The following CACNA2D4 variants were observed in gnomAD, a reference collection of about 807,000 sequenced individuals.
CACNA2D4 encodes the protein voltage-dependent calcium channel subunit alpha-2/delta-4.
Under a neutral mutation model 163.8 loss-of-function variants are expected in CACNA2D4, and 157 were observed. The observed-to-expected ratio is 0.96, with a 90% CI of 0.84 to 1.09. The LOEUF is 1.09. CACNA2D4 is among the 50% of genes least tolerant of loss of function. CACNA2D4 has a pLI of 0.00. For missense variants in CACNA2D4, 1,410 were observed against 1,479.9 expected (o/e 0.95, Z 0.78); for synonymous variants, 598 against 586.9 (o/e 1.02, Z -0.27).
In CACNA2D4 at chr12:1,843,691, G is replaced by C. The variant is rs763856512; in HGVS notation, c.2470+711C>G. Among the ~76,000 whole-genome samples, 5 of 152,192 alleles carry C rather than the reference G, an allele frequency of 3.3e-5. No individual in the cohort carries two copies. The highest frequency in any genetic ancestry group is 7.3e-5 in the Non-Finnish European group (5 of 68,034). ...ACTGAAGCCTCTGCAGGATTTTTCCGGTGCTCTGTTAGAGTCACTTAATTT... is the reference window on the plus strand; with the variant it reads ...ACTGAAGCCTCTGCAGGATTTTTCCCGTGCTCTGTTAGAGTCACTTAATTT... On this transcript the variant is annotated intron_variant, in intron 25 of 37. Transcript: ENST00000382722. The surrounding 1 kb of genome is among the most constrained non-coding windows in gnomAD (Gnocchi z 4.6).
At chr12:1,826,408 C>T (rs898779687) in intron 26 of CACNA2D4, among the ~76,000 whole-genome samples, 1 of 60,040 alleles carries the variant, frequency 1.7e-5, no homozygotes, top group South Asian at 7.2e-4. Flanking sequence ...GAGCCCCCCC[C>T]CCCCCCCCGC....
chr12:1,811,648 G>A lies in CACNA2D4; in HGVS notation c.2613+14C>T, dbSNP rs191180407. ...TGAGTCCCCAGCCCCGACCTGGCCC[G>A]ACATCACACCTACCTGCCGCGTTGC... On this transcript the variant is annotated intron_variant, in intron 27 of 37. Transcript: ENST00000382722. 92 of 1,558,532 alleles carry A rather than the reference G, an allele frequency of 5.9e-5. No individual in the cohort carries two copies. In the East Asian group the frequency reaches 8.8e-4, roughly 15 times the overall value.
chr12:1,837,988 AG>A (rs1244435628), intron 26 of CACNA2D4, among the ~76,000 whole-genome samples: 4 of 152,336 alleles, frequency 2.6e-5, no homozygotes, highest in Non-Finnish European at 5.9e-5. Context: ...GCCTCTGTGC[AG>A]GGGCTTGTGT....
At chr12:1,800,336 G>T in intron 32 of CACNA2D4, 50 bp downstream of exon 32, 1 of 1,594,872 alleles carries the variant, frequency 6.3e-7, no homozygotes, top group Non-Finnish European at 8.6e-7. Flanking sequence ...ACCCTCCTAA[G>T]CCACCCTCGC....
In CACNA2D4 at chr12:1,807,016, C is replaced by T. The variant is rs144918638; in HGVS notation, c.2721+3262G>A. Among the ~76,000 whole-genome samples, 497 of 152,062 alleles carry T rather than the reference C, an allele frequency of 3.3e-3. 4 individuals carry two copies. Among genetic ancestry groups the T allele is most frequent in the African/African-American group, 0.012 (479 of 41,504 alleles). On this transcript the variant is annotated intron_variant, in intron 29 of 37. Coordinates refer to ENST00000382722, the MANE Select transcript of CACNA2D4 (RefSeq NM_172364.5). The stretch of plus-strand genomic sequence containing the variant: ...AGTGGTTCACAATGATCCCGGCCTC[C>T]TGGGAGTCCTGCCCTTGTGTAAGCC...
rs760133119 is a variant in CACNA2D4, at chr12:1,834,452, G to C, written c.2551+6287C>G. On this transcript the variant is annotated intron_variant, in intron 26 of 37. Transcript: ENST00000382722. The surrounding 1 kb of genome is among the most constrained non-coding windows in gnomAD (Gnocchi z 7.6). ...TCCAGAGCCTGCTAAGCCCAAGCCCGGGGCTGAGCCGGAGCCGGAGCCCAG... is the reference window on the plus strand; with the variant it reads ...TCCAGAGCCTGCTAAGCCCAAGCCCCGGGCTGAGCCGGAGCCGGAGCCCAG... 1.2e-6 allele frequency: 2 copies of C among 1,611,830 alleles called. No individual in the cohort carries two copies. Among genetic ancestry groups the C allele is most frequent in the Admixed American group, 1.7e-5 (1 of 60,008 alleles).
chr12:1,876,756 C>T (rs1865892115), intron 16 of CACNA2D4, among the ~76,000 whole-genome samples: 1 of 152,188 alleles, frequency 6.6e-6, no homozygotes, highest in Non-Finnish European at 1.5e-5. Flanking sequence ...CATCAAACAG[C>T]CCTGTCCTGC....
chr12:1,803,518 A>G (rs1198028340), intron 29 of CACNA2D4, among the ~76,000 whole-genome samples: 1 of 152,218 alleles, frequency 6.6e-6, no homozygotes, highest in Admixed American at 6.5e-5. Flanking sequence ...ATCCTACAGT[A>G]TTTCCTGTGT....
At position 1,907,938 on chromosome 12, in the gene CACNA2D4, T is replaced by G; in HGVS notation, c.586A>C (p.Ser196Arg). The change falls in exon 5 of 38, where the codon AGC becomes CGC. Residue 196 changes from serine (S) to arginine (R), a missense_variant. Physicochemically the swap from Ser to Arg is moderately radical, Grantham distance 110 (BLOSUM62 -1). Transcript: ENST00000382722. The part of the protein sequence containing the change: ...EFLLESNAHF[S>R]NLPVNTSISS... ...ATGGAGGTGTTCACCGGCAGGTTGC[T>G]GAAGTGAGCATTGGACTCCAGGAGG... The G allele has an allele frequency of 6.2e-7, 1 of 1,614,058 alleles. No homozygotes were observed. Among genetic ancestry groups the G allele is most frequent in the South Asian group, 1.1e-5 (1 of 91,086 alleles).
chr12:1,828,144 T>C lies in CACNA2D4; in HGVS notation c.2551+12595A>G, dbSNP rs1384578033. The stretch of plus-strand genomic sequence containing the variant: ...GACAGGGCCCGGAGAGCCGTGGGCC[T>C]CACCATGCTGGCGCCGGGCAGCAGC... On this transcript the variant is annotated intron_variant, in intron 26 of 37. Transcript: ENST00000382722. This position sits in a 1 kb window ranked among gnomAD's most constrained non-coding sequence, Gnocchi z 4.2. 3.2e-6 allele frequency: 5 copies of C among 1,538,702 alleles called. No individual in the cohort carries two copies. The highest frequency in any genetic ancestry group is 1.2e-5 in the South Asian group (1 of 82,728).
chr12:1,872,308 C>T (rs1023425486), intron 18 of CACNA2D4, among the ~76,000 whole-genome samples: 7 of 152,140 alleles, frequency 4.6e-5, no homozygotes, highest in Admixed American at 3.3e-4. Context: ...ACAAGTTTGG[C>T]CCCATAGGTT....
Position 1,846,722 on chromosome 12 carries a change from C to G in CACNA2D4, c.2247-33G>C, listed in dbSNP as rs928151019. On this transcript the variant is annotated intron_variant, in intron 23 of 37. Transcript: ENST00000382722. ...GCAGACAGAGCGGGAATGGTCACCA[C>G]ATGGCTGTGGCAAGAGCTTGGGGGC... is the stretch of plus-strand genomic sequence containing the variant. The G allele has an allele frequency of 1.9e-6, 3 of 1,548,404 alleles. No homozygotes were observed. The African/African-American group carries it at 4.1e-5, about 21-fold the overall frequency.
rs1024582578 is a variant in CACNA2D4 at position 1,917,571 on chromosome 12, C to A, written c.227+676G>T. ...CTTCCTAGGACCACCTGAGCTAGGG[C>A]CTAAAACACAGACACCCCAGAGAGG... is the stretch of plus-strand genomic sequence containing the variant. On this transcript the variant is annotated intron_variant, in intron 1 of 37. Coordinates refer to ENST00000382722, the MANE Select transcript of CACNA2D4 (RefSeq NM_172364.5). The surrounding 1 kb of genome is among the most constrained non-coding windows in gnomAD (Gnocchi z 4.3). Among the ~76,000 whole-genome samples the A allele has an allele frequency of 6.6e-6, 1 of 152,142 alleles. No homozygotes were observed. Among genetic ancestry groups the A allele is most frequent in the Non-Finnish European group, 1.5e-5 (1 of 68,038 alleles).
chr12:1,843,158 A>C lies in CACNA2D4; in HGVS notation c.2470+1244T>G, dbSNP rs907557667. ...ATAGTAGTTATTTGCACGTGTGTGG[A>C]GGGAACAGCACAGGTGGGAGTAGGG... On this transcript the variant is annotated intron_variant, in intron 25 of 37. Coordinates refer to ENST00000382722, the MANE Select transcript of CACNA2D4 (RefSeq NM_172364.5). This position sits in a 1 kb window ranked among gnomAD's most constrained non-coding sequence, Gnocchi z 4.6. 1.2e-4 allele frequency among the ~76,000 whole-genome samples: 19 copies of C among 152,118 alleles called. No homozygotes were observed. Among genetic ancestry groups the C allele is most frequent in the African/African-American group, 3.9e-4 (16 of 41,422 alleles).
intron 32 of CACNA2D4, 113 bp downstream of exon 32, chr12:1,800,273 G>A: frequency 8.3e-7 from 1 of 1,201,624 alleles, no homozygotes; most frequent in African/African-American, 1.5e-5. Flanking sequence ...CTTCCCCGGG[G>A]TCTGGTAGCA....
Position 1,884,979 on chromosome 12 carries a change from G to C in CACNA2D4, c.1158+8C>G. ...TCCTCCCCTCCCAGGCCTCATTACAGTGGGCACCTGCTTCAGGATCTGGAA... is the reference window on the plus strand; with the variant it reads ...TCCTCCCCTCCCAGGCCTCATTACACTGGGCACCTGCTTCAGGATCTGGAA... On this transcript the variant is annotated splice_region_variant and intron_variant, in intron 10 of 37. Transcript: ENST00000382722. The C allele has an allele frequency of 1.2e-6, 2 of 1,612,996 alleles. No individual in the cohort carries two copies. Among genetic ancestry groups the C allele is most frequent in the Non-Finnish European group, 1.7e-6 (2 of 1,179,034 alleles).
chr12:1,886,068 G>C, intron 8 of CACNA2D4, 29 bp from the exon 9 acceptor site: 2 of 1,580,180 alleles, frequency 1.3e-6, no homozygotes, highest in African/African-American at 1.3e-5. Flanking sequence ...GAGGGGAGGT[G>C]GGGGGAGAAT....
At chr12:1,830,067 C>A (rs1864552863) in intron 26 of CACNA2D4, among the ~76,000 whole-genome samples, 1 of 152,206 alleles carries the variant, frequency 6.6e-6, no homozygotes, top group Non-Finnish European at 1.5e-5. Flanking sequence ...AAAGATGGGA[C>A]CAGGAAACGA....
chr12:1,918,276 C>A lies in CACNA2D4; in HGVS notation c.198G>T (p.Ala66=). ...LLLLGTSLSP[A]WGQAKIPLET... ...CCAGAGGAATCTTGGCCTGTCCCCA[C>A]GCAGGGGACAGGGAGGTGCCTAGAA... The change falls in exon 1 of 38, where the codon GCG becomes GCT. Residue 66 remains alanine (A), a synonymous_variant. Transcript: ENST00000382722. 1 of 1,605,846 alleles carries A rather than the reference C, an allele frequency of 6.2e-7. No homozygotes were observed. The highest frequency in any genetic ancestry group is 8.5e-7 in the Non-Finnish European group (1 of 1,176,404).
Sources: gnomAD v4.1 joint callset for allele counts (sites outside exome capture counted in the v4.1 genomes callset) on GRCh38, gnomAD v4.1.1 for gene constraint, Gnocchi (gnomAD v3.1) non-coding constraint, MANE v1.5 for transcripts, NCBI Gene and HGNC (gene_info 2026-07-23, HGNC 2026-07-21) for gene names.